The following OR51B5 variants were observed in gnomAD, a reference collection of about 807,000 sequenced individuals.
The protein encoded by OR51B5 is olfactory receptor 51B5.
For synonymous variants in OR51B5, 186 were observed against 144.8 expected, an observed-to-expected ratio of 1.28 and a Z score of -2.04; for missense variants, 456 against 374.6, an observed-to-expected ratio of 1.22 and a Z score of -1.79.
chr11:5,379,537 CTAA>C (rs145144707), intron 1 of OR51B5, among the ~76,000 whole-genome samples: 4,751 of 151,998 alleles, frequency 0.031, 248 homozygotes, highest in African/African-American at 0.11. Flanking sequence ...GTTGTTTCCT[CTAA>C]TAATTTTCTT....
intron 1 of OR51B5, among the ~76,000 whole-genome samples, chr11:5,414,957 A>T (rs1394927923): frequency 2.0e-5 from 3 of 152,166 alleles, no homozygotes; most frequent in Non-Finnish European, 4.4e-5. Flanking sequence ...TCCACCCCAA[A>T]TCAACAGAAT....
intron 1 of OR51B5, chr11:5,389,646 T>C (rs1246449685): frequency 1.2e-6 from 2 of 1,613,570 alleles, no homozygotes; most frequent in Non-Finnish European, 1.7e-6. Context: ...CTCACTGACC[T>C]GGGGCTGTGT....
chr11:5,363,267 A>G (rs760229467), intron 1 of OR51B5, among the ~76,000 whole-genome samples: 1 of 102,250 alleles, frequency 9.8e-6, no homozygotes, highest in African/African-American at 4.0e-5. Context: ...ACACACACAC[A>G]CACACACACA....
At chr11:5,410,138 A>G (rs1850122986) in intron 1 of OR51B5, among the ~76,000 whole-genome samples, 1 of 152,152 alleles carries the variant, frequency 6.6e-6, no homozygotes, top group African/African-American at 2.4e-5. Context: ...TTCTTTAGTC[A>G]AAAGGAAAAT....
At chr11:5,467,836 G>A (rs750625477) in intron 1 of OR51B5, among the ~76,000 whole-genome samples, 3 of 152,158 alleles carry the variant, frequency 2.0e-5, no homozygotes, top group Non-Finnish European at 2.9e-5. Context: ...GTTAGGCTTC[G>A]ATTTGGAGTG....
intron 1 of OR51B5, chr11:5,389,952 T>C (rs990593791): frequency 6.2e-6 from 10 of 1,611,378 alleles, no homozygotes; most frequent in African/African-American, 1.3e-5. Context: ...GGATCTGTGG[T>C]CCTCTCCCAC....
chr11:5,346,486 C>CTT (rs1428873920), upstream of OR51B5: 131 of 136,698 alleles, frequency 9.6e-4, no homozygotes, highest in African/African-American at 3.1e-3. Context: ...AGATAAACTT[C>CTT]TAACATTTAC....
chr11:5,422,851 G>C (rs745885272), intron 1 of OR51B5: 3 of 1,614,134 alleles, frequency 1.9e-6, no homozygotes, highest in Non-Finnish European at 2.5e-6. Flanking sequence ...TGCTCATTGT[G>C]ATCTCCTATA....
chr11:5,404,710 C>T (rs1173738723), intron 1 of OR51B5, among the ~76,000 whole-genome samples: 2 of 152,224 alleles, frequency 1.3e-5, no homozygotes, highest in Non-Finnish European at 2.9e-5. Context: ...TGGGTCTGCA[C>T]TACCTTTATG....
At chr11:5,346,380 GATAAA>G (rs1229227222), upstream of OR51B5, 2 of 152,034 alleles carry the variant, frequency 1.3e-5, no homozygotes, top group Non-Finnish European at 2.9e-5. Flanking sequence ...TGAGAGAAGA[GATAAA>G]AGCTGAGGAA....
intron 1 of OR51B5, among the ~76,000 whole-genome samples, chr11:5,401,845 T>C (rs12797766): frequency 0.75 from 112,761 of 149,588 alleles, 44,308 homozygotes; most frequent in Non-Finnish European, 0.87. Flanking sequence ...TCCTTCCCTC[T>C]TTTTCTTCTG....
chr11:5,465,075 G>A (rs185351119), intron 1 of OR51B5, among the ~76,000 whole-genome samples: 2,912 of 150,710 alleles, frequency 0.019, 91 homozygotes, highest in African/African-American at 0.062. Context: ...GCGTAGTGGC[G>A]GGCGCCTGTA....
At position 5,404,770 on chromosome 11, in the gene OR51B5, G is replaced by A. The variant is rs533588839; in HGVS notation, n.85-57860C>T. ...CTGCAGCTTCACTCCTGAAGTCAGC[G>A]AGACCACGAATCCACCAGGGAGGAA... On this transcript the variant is annotated intron_variant and non_coding_transcript_variant, in intron 1 of 4. Coordinates refer to the OR51B5 transcript ENST00000415970. 9.2e-5 allele frequency among the ~76,000 whole-genome samples: 14 copies of A among 152,240 alleles called. No individual in the cohort carries two copies. The South Asian group carries it at 2.1e-3, about 23-fold the overall frequency.
chr11:5,422,892 C>T (rs150281365), intron 1 of OR51B5: 5 of 1,613,940 alleles, frequency 3.1e-6, no homozygotes, highest in Middle Eastern at 1.6e-4. Context: ...TTGGGCACAG[C>T]CACCTGGGCT....
At chr11:5,445,326 A>G (rs1850744177) in intron 1 of OR51B5, among the ~76,000 whole-genome samples, 1 of 152,128 alleles carries the variant, frequency 6.6e-6, no homozygotes, top group Admixed American at 6.6e-5. Context: ...ACAAATTCAG[A>G]TCTCCATATT....
At chr11:5,369,911 TAGAA>T (rs930813263) in intron 1 of OR51B5, among the ~76,000 whole-genome samples, 10 of 152,138 alleles carry the variant, frequency 6.6e-5, no homozygotes, top group African/African-American at 4.8e-5. Flanking sequence ...GCTATCAACA[TAGAA>T]AGAAAGGGAA....
At chr11:5,469,893 T>G (rs1052867153) in intron 1 of OR51B5, among the ~76,000 whole-genome samples, 1 of 152,148 alleles carries the variant, frequency 6.6e-6, no homozygotes, top group African/African-American at 2.4e-5. Context: ...TTGTGTATAT[T>G]CTAAGCTGTC....
chr11:5,453,740 C>T, intron 1 of OR51B5: 1 of 1,614,192 alleles, frequency 6.2e-7, no homozygotes, highest in Non-Finnish European at 8.5e-7. Flanking sequence ...TACTCCGAAC[C>T]TTCTGCCTCA....
chr11:5,408,349 TCCCTTCC>T (rs1439805551), intron 1 of OR51B5, among the ~76,000 whole-genome samples: 36 of 45,692 alleles, frequency 7.9e-4, no homozygotes, highest in African/African-American at 3.9e-3. Flanking sequence ...CTTCCCTTCC[TCCCTTCC>T]TCCCTTCCTC....
Sources: gnomAD v4.1 joint callset for allele counts (sites outside exome capture counted in the v4.1 genomes callset) on GRCh38, gnomAD v4.1.1 for gene constraint, MANE v1.5 for transcripts, NCBI Gene and HGNC (gene_info 2026-07-23, HGNC 2026-07-21) for gene names.